Variants in DENND5B observed in about 807,000 individuals in gnomAD.
DENND5B encodes DENN domain-containing protein 5B.
Under a neutral mutation model 140.6 loss-of-function variants are expected in DENND5B, and 34 were observed. That is an observed-to-expected ratio of 0.24 (90% confidence interval 0.18 to 0.32). DENND5B has a LOEUF of 0.32. DENND5B is among the 10% of genes least tolerant of loss of function. The pLI is 1.00. For missense variants in DENND5B, 1,142 were observed against 1,560.2 expected (o/e 0.73, Z 4.52); for synonymous variants, 551 against 562.1 (o/e 0.98, Z 0.28).
chr12:31,397,979 A>T (rs981002588), intron 17 of DENND5B, among the ~76,000 whole-genome samples, 196 bp downstream of exon 17: 4 of 152,184 alleles, frequency 2.6e-5, no homozygotes, highest in African/African-American at 9.7e-5. Flanking sequence ...CTTAATAAAA[A>T]CAGAGCATGC....
chr12:31,516,676 C>T (rs1453963991), intron 1 of DENND5B, among the ~76,000 whole-genome samples: 2 of 152,162 alleles, frequency 1.3e-5, no homozygotes, highest in East Asian at 1.9e-4. Flanking sequence ...TTAACACCTA[C>T]CTTTTCAAGA....
chr12:31,508,291 C>T (rs1947279404), intron 1 of DENND5B, among the ~76,000 whole-genome samples: 1 of 152,024 alleles, frequency 6.6e-6, no homozygotes, highest in Non-Finnish European at 1.5e-5. Context: ...ATACTATCAC[C>T]AAAAAAATTT....
chr12:31,568,977 T>C (rs953557599), intron 1 of DENND5B, among the ~76,000 whole-genome samples: 1 of 151,604 alleles, frequency 6.6e-6, no homozygotes, highest in Non-Finnish European at 1.5e-5. Context: ...CTTGAACTCC[T>C]GGGCTCAAGC....
chr12:31,411,195 C>T (rs112818023), intron 13 of DENND5B, among the ~76,000 whole-genome samples: 6,913 of 152,002 alleles, frequency 0.045, 215 homozygotes, highest in Non-Finnish European at 0.07. Context: ...TGTGCCACCA[C>T]GCCTGGCTAA....
intron 2 of DENND5B, among the ~76,000 whole-genome samples, 182 bp downstream of exon 2, chr12:31,495,628 G>A (rs576963009): frequency 4.1e-4 from 62 of 151,648 alleles, no homozygotes; most frequent in African/African-American, 9.7e-4. Context: ...CACCTGCCTC[G>A]GCCTCCCAAA....
intron 1 of DENND5B, among the ~76,000 whole-genome samples, chr12:31,509,126 A>G (rs745950048): frequency 3.3e-5 from 5 of 152,154 alleles, no homozygotes; most frequent in Non-Finnish European, 7.4e-5. Context: ...AAAATCCTCA[A>G]GATGATCCCC....
intron 2 of DENND5B, among the ~76,000 whole-genome samples, chr12:31,487,066 G>A (rs985956856): frequency 6.6e-6 from 1 of 152,090 alleles, no homozygotes; most frequent in African/African-American, 2.4e-5. Flanking sequence ...CTGATAACAT[G>A]GGTAAAAAGA....
At chr12:31,483,675 T>C (rs1946169102) in intron 2 of DENND5B, among the ~76,000 whole-genome samples, 1 of 150,898 alleles carries the variant, frequency 6.6e-6, no homozygotes, top group African/African-American at 2.4e-5. Flanking sequence ...CCTGACCTCA[T>C]GATCCGCCTG....
At chr12:31,444,182 G>C (rs1354273502) in intron 6 of DENND5B, 1 of 152,188 alleles carries the variant, frequency 6.6e-6, no homozygotes, top group Non-Finnish European at 1.5e-5. Flanking sequence ...AACACACTGT[G>C]GGAGCTGCTA....
At chr12:31,423,536 C>T (rs531096770) in intron 11 of DENND5B, 61 bp downstream of exon 11, 2 of 1,546,312 alleles carry the variant, frequency 1.3e-6, no homozygotes, top group African/African-American at 2.7e-5. Context: ...AAGACAAGGC[C>T]AAATAGTATT....
intron 1 of DENND5B, among the ~76,000 whole-genome samples, chr12:31,536,724 T>G (rs1218040135): frequency 6.6e-6 from 1 of 151,970 alleles, no homozygotes; most frequent in Non-Finnish European, 1.5e-5. Context: ...TATCCAAATA[T>G]AAGAAGATTA....
At chr12:31,478,885 T>A (rs1259215) in intron 3 of DENND5B, among the ~76,000 whole-genome samples, 1 of 152,120 alleles carries the variant, frequency 6.6e-6, no homozygotes, top group South Asian at 2.1e-4. Flanking sequence ...TCTTCACAAA[T>A]GTACTGGTAA....
intron 4 of DENND5B, among the ~76,000 whole-genome samples, chr12:31,453,548 A>G (rs564974239): frequency 1.3e-5 from 2 of 152,276 alleles, no homozygotes; most frequent in South Asian, 2.1e-4. Context: ...TGGGGGGTGG[A>G]GTGCCAAAAG....
chr12:31,476,265 T>C (rs1231407732), intron 3 of DENND5B, among the ~76,000 whole-genome samples: 3 of 151,582 alleles, frequency 2.0e-5, no homozygotes, highest in African/African-American at 7.3e-5. Flanking sequence ...GAATAAACTC[T>C]TGACTGTATC....
intron 20 of DENND5B, among the ~76,000 whole-genome samples, chr12:31,389,096 G>C (rs1249066969): frequency 1.3e-5 from 2 of 152,104 alleles, no homozygotes; most frequent in African/African-American, 2.4e-5. Flanking sequence ...ATGTAGTGGT[G>C]GTGGTGAATT....
intron 6 of DENND5B, among the ~76,000 whole-genome samples, chr12:31,446,715 G>C (rs1005881435): frequency 6.6e-6 from 1 of 151,656 alleles, no homozygotes; most frequent in Non-Finnish European, 1.5e-5. Context: ...CTAACACAGT[G>C]AAACCCCGTC....
chr12:31,449,921 C>T (rs974008062), intron 5 of DENND5B, among the ~76,000 whole-genome samples: 2 of 151,660 alleles, frequency 1.3e-5, no homozygotes, highest in Non-Finnish European at 1.5e-5. Flanking sequence ...TTAGTAGAGA[C>T]GAGGTTTCAC....
intron 20 of DENND5B, among the ~76,000 whole-genome samples, chr12:31,388,742 TA>T (rs1940974611): frequency 6.6e-6 from 1 of 152,092 alleles, no homozygotes; most frequent in South Asian, 2.1e-4. Context: ...TTTCAAAAAA[TA>T]AAGGGGTAGG....
intron 4 of DENND5B, among the ~76,000 whole-genome samples, chr12:31,458,167 ATTTG>A (rs910039310): frequency 7.2e-5 from 11 of 152,326 alleles, no homozygotes; most frequent in African/African-American, 2.6e-4. Context: ...GAATCCTTAA[ATTTG>A]TTTATCTTTA....
Sources: gnomAD v4.1 joint callset for allele counts (sites outside exome capture counted in the v4.1 genomes callset) on GRCh38, gnomAD v4.1.1 for gene constraint, MANE v1.5 for transcripts, NCBI Gene and HGNC (gene_info 2026-07-23, HGNC 2026-07-21) for gene names.